The following GFRAL variants were observed in gnomAD, a reference collection of about 807,000 sequenced individuals.
The protein encoded by GFRAL is GDNF family receptor alpha like.
A neutral mutation model predicts 45.4 loss-of-function variants in GFRAL; 36 were observed. The observed-to-expected ratio is 0.79, with a 90% confidence interval of 0.61 to 1.05. The LOEUF (loss-of-function observed/expected upper bound fraction) is 1.05, where lower values mean the gene tolerates loss of function less well. Among genes scored for constraint, GFRAL ranks in the 50% least tolerant of loss-of-function variants. The probability of loss-of-function intolerance (pLI) is 0.00; values close to 1 mark genes in which losing one functional copy is unlikely to be tolerated. For synonymous variants in GFRAL, 166 were observed against 154.1 expected, an observed-to-expected ratio of 1.08 and a Z score of -0.57; for missense variants, 507 against 467.5, an observed-to-expected ratio of 1.08 and a Z score of -0.78.
chr6:55,386,304 A>T (rs1768681439), intron 6 of GFRAL, among the ~76,000 whole-genome samples: 1 of 152,096 alleles, frequency 6.6e-6, no homozygotes, highest in East Asian at 1.9e-4. Flanking sequence ...GACTCTATAA[A>T]ACTGCATATT....
At chr6:55,395,094 C>A (rs1035958503) in intron 6 of GFRAL, among the ~76,000 whole-genome samples, 1 of 150,572 alleles carries the variant, frequency 6.6e-6, no homozygotes, top group Admixed American at 6.6e-5. Flanking sequence ...TGTGAACACT[C>A]TCCAAAAGAG....
At chr6:55,399,468 G>A in intron 8 of GFRAL, 27 bp downstream of exon 8, 1 of 1,419,254 alleles carries the variant, frequency 7.0e-7, no homozygotes, top group Non-Finnish European at 1.0e-6. Flanking sequence ...TAGAAGGAAA[G>A]GTCTGAAAGG....
chr6:55,339,552 G>A (rs929212578), intron 3 of GFRAL, among the ~76,000 whole-genome samples: 2 of 152,078 alleles, frequency 1.3e-5, no homozygotes, highest in African/African-American at 4.8e-5. Context: ...TGACCTATTT[G>A]AAGAAACCAA....
At chr6:55,369,824 C>T (rs193025320) in intron 6 of GFRAL, among the ~76,000 whole-genome samples, 3 of 152,122 alleles carry the variant, frequency 2.0e-5, no homozygotes, top group Admixed American at 6.5e-5. Context: ...TTCTTCTTAC[C>T]TACTCCTGTA....
At chr6:55,342,707 C>T (rs1306383745) in intron 3 of GFRAL, among the ~76,000 whole-genome samples, 1 of 152,012 alleles carries the variant, frequency 6.6e-6, no homozygotes, top group Non-Finnish European at 1.5e-5. Flanking sequence ...GGGCTAAATG[C>T]TCCAATTAAA....
Position 55,333,954 on chromosome 6 carries a change from T to C in GFRAL, c.316+10T>C. The C allele has an allele frequency of 6.7e-7, 1 of 1,499,246 alleles. No individual in the cohort carries two copies. Among genetic ancestry groups the C allele is most frequent in the Non-Finnish European group, 9.0e-7 (1 of 1,107,760 alleles). The allele number at this position is 1,499,246 out of a possible 1,614,324, so 92.9% of individuals were successfully genotyped here. A position where few individuals can be genotyped will look rare whatever the true frequency, so the allele number is the denominator to read the frequency against. On this transcript the variant is annotated intron_variant, in intron 3 of 8. Transcript: ENST00000340465. ...TGTATCAATAAATCAGGTAATATTT[T>C]GTTTTAAGAAATGTTTATAGTCATG...
intron 3 of GFRAL, among the ~76,000 whole-genome samples, chr6:55,338,324 A>G (rs2127351218): frequency 6.6e-6 from 1 of 152,280 alleles, no homozygotes; most frequent in East Asian, 1.9e-4. Flanking sequence ...TCCTGACCTC[A>G]GGTGATCTGC....
chr6:55,338,914 T>C (rs1767924783), intron 3 of GFRAL, among the ~76,000 whole-genome samples: 1 of 152,068 alleles, frequency 6.6e-6, no homozygotes, highest in Non-Finnish European at 1.5e-5. Context: ...ATATTTTAAA[T>C]AGAGGAATGT....
intron 6 of GFRAL, among the ~76,000 whole-genome samples, chr6:55,367,603 T>C (rs1768382997): frequency 6.6e-6 from 1 of 151,726 alleles, no homozygotes; most frequent in Non-Finnish European, 1.5e-5. Flanking sequence ...CCATGTTTAG[T>C]GCTTCCTTCA....
intron 5 of GFRAL, among the ~76,000 whole-genome samples, chr6:55,354,929 C>A (rs1175953412): frequency 6.6e-6 from 1 of 151,740 alleles, no homozygotes; most frequent in African/African-American, 2.4e-5. Flanking sequence ...TCTCTAGTAC[C>A]GACACCCTCA....
intron 6 of GFRAL, among the ~76,000 whole-genome samples, chr6:55,365,271 AT>A (rs1278585235): frequency 2.8e-5 from 4 of 141,784 alleles, no homozygotes; most frequent in Non-Finnish European, 6.1e-5. Flanking sequence ...AATGCTTGTG[AT>A]TTTTGTACAT....
intron 6 of GFRAL, among the ~76,000 whole-genome samples, chr6:55,387,007 G>A (rs190867851): frequency 2.4e-4 from 36 of 152,226 alleles, no homozygotes; most frequent in African/African-American, 8.4e-4. Flanking sequence ...TACTCTAAAG[G>A]CATAGGTGTT....
chr6:55,376,344 G>A (rs561552484), intron 6 of GFRAL, among the ~76,000 whole-genome samples: 3 of 152,176 alleles, frequency 2.0e-5, no homozygotes, highest in African/African-American at 7.2e-5. Flanking sequence ...TCTCTTTCAG[G>A]TTTTGGTATC....
At chr6:55,330,718 T>A (rs989461682) in intron 1 of GFRAL, among the ~76,000 whole-genome samples, 2 of 151,984 alleles carry the variant, frequency 1.3e-5, no homozygotes, top group African/African-American at 4.8e-5. Context: ...TGAGAAATAG[T>A]TTAAAGGATA....
chr6:55,392,910 A>G (rs762393575), intron 6 of GFRAL, among the ~76,000 whole-genome samples: 2 of 152,198 alleles, frequency 1.3e-5, no homozygotes, highest in Non-Finnish European at 2.9e-5. Context: ...TATAAAATAA[A>G]TAACTGAAAA....
At chr6:55,395,249 T>TA (rs1768809632) in intron 6 of GFRAL, among the ~76,000 whole-genome samples, 1 of 150,670 alleles carries the variant, frequency 6.6e-6, no homozygotes, top group Non-Finnish European at 1.5e-5. Context: ...AAGTGAGTTA[T>TA]TCAATGTCAA....
At chr6:55,328,420 A>C (rs1222970458) in intron 1 of GFRAL, among the ~76,000 whole-genome samples, 1 of 151,934 alleles carries the variant, frequency 6.6e-6, no homozygotes, top group African/African-American at 2.4e-5. Context: ...AAAGCAAAGA[A>C]GTTTACTTTA....
At chr6:55,354,434 T>C (rs1177162883) in intron 5 of GFRAL, among the ~76,000 whole-genome samples, 6 of 152,056 alleles carry the variant, frequency 3.9e-5, no homozygotes, top group Admixed American at 3.9e-4. Context: ...AATTGTTATA[T>C]TTTAGTATAC....
At chr6:55,377,358 A>C (rs1246700795) in intron 6 of GFRAL, among the ~76,000 whole-genome samples, 1 of 152,006 alleles carries the variant, frequency 6.6e-6, no homozygotes, top group Non-Finnish European at 1.5e-5. Flanking sequence ...AACAATAGTT[A>C]ATTTCTGACT....
Sources: gnomAD v4.1 joint callset for allele counts (sites outside exome capture counted in the v4.1 genomes callset) on GRCh38, gnomAD v4.1.1 for gene constraint, MANE v1.5 for transcripts, NCBI Gene and HGNC (gene_info 2026-07-23, HGNC 2026-07-21) for gene names.